STRIP2: variants seen among roughly 807,000 people sequenced by gnomAD.
STRIP2 encodes striatin-interacting protein 2.
STRIP2 carries 84 observed loss-of-function variants against 107.1 expected under a neutral mutation model. That is an observed-to-expected ratio of 0.78 (90% CI 0.66 to 0.94). STRIP2 has a LOEUF of 0.94. Ranked by LOEUF, STRIP2 falls within the 40% of genes least tolerant of loss-of-function variation. The pLI, the probability that STRIP2 is intolerant of heterozygous loss-of-function variation, is 0.00. For synonymous variants in STRIP2, 394 were observed against 400.4 expected (o/e 0.98, Z 0.19); for missense variants, 888 against 1,034.2 (o/e 0.86, Z 1.94).
rs1405219846 is a variant in STRIP2 at position 129,483,751 on chromosome 7, G to C, written c.2254+705G>C. 6.6e-6 allele frequency: 1 copy of C among 152,018 alleles called. No individual in the cohort carries two copies. Among genetic ancestry groups the C allele is most frequent in the Non-Finnish European group, 1.5e-5 (1 of 67,934 alleles). The allele number at this position is 152,018 out of a possible 1,614,324, so 9.4% of individuals were successfully genotyped here. ...TAATTATTTTTGTTTTCTGTTTTTTGTTTGTTTGTTTTTTTGAGAGGGTCG... is the reference window on the plus strand; with the variant it reads ...TAATTATTTTTGTTTTCTGTTTTTTCTTTGTTTGTTTTTTTGAGAGGGTCG... On this transcript the variant is annotated intron_variant, in intron 20 of 20. Coordinates refer to ENST00000249344, the MANE Select transcript of STRIP2 (RefSeq NM_020704.3). This position sits in a 1 kb window ranked among gnomAD's most constrained non-coding sequence, Gnocchi z 5.1.
At chr7:129,472,707 AG>A (rs1798816182) in intron 18 of STRIP2, among the ~76,000 whole-genome samples, 1 of 151,190 alleles carries the variant, frequency 6.6e-6, no homozygotes, top group African/African-American at 2.4e-5. Context: ...TGTTTTTTTC[AG>A]GCTTAACAAA....
Position 129,467,387 on chromosome 7 carries a change from G to A in STRIP2, c.1814G>A (p.Cys605Tyr), listed in dbSNP as rs758061661. ...TCGCAACATTTGGTATTTGCCAACT[G>A]CATCCCCTTGATCCTGAAGTTCTTC... ...YVSQHLVFANCIPLILKFFNQ... is the reference protein window; with the variant it reads ...YVSQHLVFANYIPLILKFFNQ... The change falls in exon 17 of 21, where the codon TGC becomes TAC. Residue 605 changes from cysteine to tyrosine, a missense_variant. Coordinates refer to ENST00000249344, the MANE Select transcript of STRIP2 (RefSeq NM_020704.3). The A allele has an allele frequency of 1.2e-6, 2 of 1,613,500 alleles. No homozygotes were observed. The highest frequency in any genetic ancestry group is 1.7e-5 in the Admixed American group (1 of 60,008).
chr7:129,439,381 G>T (rs692695), intron 1 of STRIP2, among the ~76,000 whole-genome samples: 134,056 of 152,174 alleles, frequency 0.88, 59,311 homozygotes, highest in East Asian at 0.96. Context: ...TCATATGTAT[G>T]AACATATACA....
chr7:129,454,193 T>G lies in STRIP2; in HGVS notation c.582T>G (p.Ala194=), dbSNP rs1440553251. 1.2e-6 allele frequency: 2 copies of G among 1,614,074 alleles called. No homozygotes were observed. The highest frequency in any genetic ancestry group is 1.7e-6 in the Non-Finnish European group (2 of 1,180,038). ...TTCGGAAACCAGCTGTCTCCATAGC[T>G]GATAGCACAGAGCTCAGGTGAGTGG... ...SALRKPAVSI[A]DSTELRVLLS... Residue 194 remains alanine (A), a synonymous_variant, in exon 6 of 21, where the codon GCT becomes GCG. Coordinates refer to ENST00000249344, the MANE Select transcript of STRIP2 (RefSeq NM_020704.3).
At chr7:129,444,864 T>C (rs1006469812) in intron 3 of STRIP2, among the ~76,000 whole-genome samples, 1 of 152,150 alleles carries the variant, frequency 6.6e-6, no homozygotes, top group Non-Finnish European at 1.5e-5. Flanking sequence ...ATAAATCTTA[T>C]GTCACATGAT....
At chr7:129,451,804 A>C in intron 4 of STRIP2, 57 bp downstream of exon 4, 1 of 1,604,366 alleles carries the variant, frequency 6.2e-7, no homozygotes, top group Non-Finnish European at 8.5e-7. Context: ...GGAAGTGGGC[A>C]TTATCAGGAC....
At chr7:129,445,004 C>G (rs1369024770) in intron 3 of STRIP2, among the ~76,000 whole-genome samples, 2 of 152,136 alleles carry the variant, frequency 1.3e-5, no homozygotes, top group Non-Finnish European at 2.9e-5. Context: ...TGATGACTAC[C>G]TTCTTCTACT....
chr7:129,459,392 G>T (rs1268263022), intron 11 of STRIP2, 125 bp from the exon 12 acceptor site: 13 of 789,846 alleles, frequency 1.6e-5, no homozygotes, highest in Non-Finnish European at 2.7e-5. Context: ...GCAGAGGAAG[G>T]TCTAGGGTAC....
At chr7:129,477,884 G>T in intron 18 of STRIP2, 1 of 499,904 alleles carries the variant, frequency 2.0e-6, no homozygotes, top group Non-Finnish European at 4.0e-6. Flanking sequence ...CATGAGCAAA[G>T]CTCACCCTCC....
rs928278422 is a variant in STRIP2 at position 129,456,339 on chromosome 7, A to C, written c.835-100A>C. ...TAAGGAAAAGGTCTGAAGGGACTGG[A>C]GGTTGTGGCCCTTTCTTTTCATCCA... On this transcript the variant is annotated intron_variant, in intron 8 of 20. Coordinates refer to ENST00000249344, the MANE Select transcript of STRIP2 (RefSeq NM_020704.3). The C allele has an allele frequency of 3.6e-5, 36 of 1,001,452 alleles. No individual in the cohort carries two copies. The South Asian group carries it at 5.3e-4, about 15-fold the overall frequency. 62.0% of individuals were successfully genotyped at this position (1,001,452 alleles called of 1,614,324 possible).
At chr7:129,459,690 C>A (rs1371090164) in intron 12 of STRIP2, 110 bp downstream of exon 12, 4 of 843,918 alleles carry the variant, frequency 4.7e-6, no homozygotes, top group East Asian at 5.1e-5. Flanking sequence ...CTTTCTGGAC[C>A]TTCTGCATTC....
At chr7:129,457,890 A>G (rs1264935147) in intron 9 of STRIP2, among the ~76,000 whole-genome samples, 1 of 152,186 alleles carries the variant, frequency 6.6e-6, no homozygotes, top group African/African-American at 2.4e-5. Flanking sequence ...AACTAATTGA[A>G]TGTTCACCTA....
chr7:129,455,227 T>C lies in STRIP2; in HGVS notation c.707-17T>C. 3 of 1,601,842 alleles carry C rather than the reference T, an allele frequency of 1.9e-6. No homozygotes were observed. Among genetic ancestry groups the C allele is most frequent in the Middle Eastern group, 3.3e-4 (2 of 6,000 alleles). Reference sequence around the variant, plus strand: ...CCTCATCCTCACTTTCTCACTCCCCTCTCTCCTCACCCCTAGGCTTCTCCA... The same window carrying C: ...CCTCATCCTCACTTTCTCACTCCCCCCTCTCCTCACCCCTAGGCTTCTCCA... On this transcript the variant is annotated splice_polypyrimidine_tract_variant and intron_variant, in intron 7 of 20. Coordinates refer to ENST00000249344, the MANE Select transcript of STRIP2 (RefSeq NM_020704.3).
intron 18 of STRIP2, among the ~76,000 whole-genome samples, chr7:129,475,432 T>G (rs1178386476): frequency 1.3e-5 from 2 of 151,790 alleles, no homozygotes; most frequent in South Asian, 4.2e-4. Context: ...GGAGGGAAGG[T>G]CAGCAGACAA....
chr7:129,457,296 C>T (rs1798391307), intron 9 of STRIP2, among the ~76,000 whole-genome samples: 1 of 152,234 alleles, frequency 6.6e-6, no homozygotes, highest in African/African-American at 2.4e-5. Flanking sequence ...CAAACCTGTA[C>T]AGCAGGTTAC....
chr7:129,483,348 A>G lies in STRIP2; in HGVS notation c.2254+302A>G. The stretch of plus-strand genomic sequence containing the variant: ...CTTTCTCCAAAAGATTTAAATTAAA[A>G]CAACTTTTTATTATTACAAAGCAGT... On this transcript the variant is annotated intron_variant, in intron 20 of 20. Coordinates refer to ENST00000249344, the MANE Select transcript of STRIP2 (RefSeq NM_020704.3). The surrounding 1 kb of genome is among the most constrained non-coding windows in gnomAD (Gnocchi z 5.1). The G allele has an allele frequency of 9.3e-7, 1 of 1,076,012 alleles. No homozygotes were observed. Among genetic ancestry groups the G allele is most frequent in the Non-Finnish European group, 1.2e-6 (1 of 868,762 alleles). 66.7% of individuals were successfully genotyped at this position (1,076,012 alleles called of 1,614,324 possible).
At chr7:129,437,866 C>T (rs941875249) in intron 1 of STRIP2, among the ~76,000 whole-genome samples, 2 of 146,320 alleles carry the variant, frequency 1.4e-5, no homozygotes, top group Non-Finnish European at 3.0e-5. Context: ...AGTGCAGTGG[C>T]GCAAACTCGG....
chr7:129,454,338 T>C, intron 6 of STRIP2, 83 bp from the exon 7 acceptor site: 1 of 1,456,358 alleles, frequency 6.9e-7, no homozygotes, highest in South Asian at 1.2e-5. Flanking sequence ...GGGTTGGGCT[T>C]CCCACAGAGA....
At chr7:129,464,844 C>T (rs768410266) in intron 16 of STRIP2, 106 bp downstream of exon 16, 1 of 1,457,608 alleles carries the variant, frequency 6.9e-7, no homozygotes, top group Non-Finnish European at 9.5e-7. Context: ...CATCTTTCAG[C>T]CTTTTCTTTG....
Sources: allele counts gnomAD v4.1 joint callset (sites outside exome capture counted in the v4.1 genomes callset), GRCh38; gene constraint gnomAD v4.1.1; non-coding constraint Gnocchi (gnomAD v3.1); transcripts MANE v1.5; gene names NCBI Gene and HGNC (gene_info 2026-07-23, HGNC 2026-07-21).